NTM: variants seen among roughly 807,000 people sequenced by gnomAD.
The protein encoded by NTM is neurotrimin.
A neutral mutation model predicts 42.1 loss-of-function variants in NTM; 13 were observed. The observed-to-expected ratio is 0.31, with a 90% CI of 0.20 to 0.49. The LOEUF (loss-of-function observed/expected upper bound fraction) is 0.49, where lower values mean the gene tolerates loss of function less well. NTM is among the 20% of genes least tolerant of loss of function. NTM has a pLI of 0.99. For missense variants in NTM, 373 were observed against 452.8 expected (o/e 0.82, Z 1.60); for synonymous variants, 187 against 179.2 (o/e 1.04, Z -0.35).
At chr11:132,027,359 G>C (rs2075323724) in intron 2 of NTM, among the ~76,000 whole-genome samples, 1 of 152,210 alleles carries the variant, frequency 6.6e-6, no homozygotes, top group South Asian at 2.1e-4. Flanking sequence ...ATGTAGATCA[G>C]AATTTCTTAA....
intron 1 of NTM, among the ~76,000 whole-genome samples, chr11:131,851,795 G>A (rs988380560): frequency 6.6e-6 from 1 of 152,066 alleles, no homozygotes; most frequent in East Asian, 1.9e-4. Flanking sequence ...ATGGACCAAA[G>A]CATGGCCCAT....
intron 1 of NTM, among the ~76,000 whole-genome samples, chr11:131,590,568 G>T (rs2059274663): frequency 6.6e-6 from 1 of 152,204 alleles, no homozygotes; most frequent in Non-Finnish European, 1.5e-5. Flanking sequence ...AGGACAATTG[G>T]ATGGCTTCTT....
At chr11:131,464,781 C>G (rs1951735085) in intron 1 of NTM, among the ~76,000 whole-genome samples, 1 of 152,212 alleles carries the variant, frequency 6.6e-6, no homozygotes, top group South Asian at 2.1e-4. Context: ...CCAAGCGGGT[C>G]TGCGAGGGAT....
At chr11:132,269,837 T>G (rs1019012455) in intron 4 of NTM, among the ~76,000 whole-genome samples, 2 of 152,238 alleles carry the variant, frequency 1.3e-5, no homozygotes, top group Admixed American at 6.5e-5. Context: ...ATGTGTCATT[T>G]ACTTCATCAA....
intron 7 of NTM, among the ~76,000 whole-genome samples, chr11:132,319,752 A>G (rs2136245453): frequency 6.6e-6 from 1 of 152,366 alleles, no homozygotes; most frequent in African/African-American, 2.4e-5. Flanking sequence ...TCCCTCTCAG[A>G]CAGCTTTGAA....
At chr11:131,528,002 A>C (rs549324191) in intron 1 of NTM, among the ~76,000 whole-genome samples, 3 of 152,232 alleles carry the variant, frequency 2.0e-5, no homozygotes, top group African/African-American at 7.2e-5. Flanking sequence ...GGAAATGCTC[A>C]TTGTGACCCT....
At chr11:131,750,330 A>G (rs2082328995) in intron 1 of NTM, among the ~76,000 whole-genome samples, 1 of 152,146 alleles carries the variant, frequency 6.6e-6, no homozygotes, top group Admixed American at 6.5e-5. Flanking sequence ...AGTCACATGT[A>G]CATTGCCACA....
At chr11:131,427,262 A>T (rs557685079) in intron 1 of NTM, among the ~76,000 whole-genome samples, 1 of 152,118 alleles carries the variant, frequency 6.6e-6, no homozygotes, top group African/African-American at 2.4e-5. Flanking sequence ...GAACCCAAAT[A>T]AGGTCTGGGA....
At chr11:132,273,356 T>C (rs1203819647) in intron 4 of NTM, among the ~76,000 whole-genome samples, 1 of 143,188 alleles carries the variant, frequency 7.0e-6, no homozygotes, top group African/African-American at 2.6e-5. Flanking sequence ...TCCACATATG[T>C]ATTCATAAAA....
chr11:131,594,170 C>A (rs2059620407), intron 1 of NTM, among the ~76,000 whole-genome samples: 1 of 152,176 alleles, frequency 6.6e-6, no homozygotes, highest in African/African-American at 2.4e-5. Flanking sequence ...AAGTAATACA[C>A]ACTAATAGGT....
At chr11:131,483,057 G>T (rs61484268) in intron 1 of NTM, among the ~76,000 whole-genome samples, 1,821 of 152,272 alleles carry the variant, frequency 0.012, 38 homozygotes, top group African/African-American at 0.041. Flanking sequence ...AGTTTTAATT[G>T]CATCAGGTTG....
intron 1 of NTM, among the ~76,000 whole-genome samples, chr11:131,606,363 G>A (rs2060961372): frequency 6.6e-6 from 1 of 152,148 alleles, no homozygotes; most frequent in Non-Finnish European, 1.5e-5. Context: ...GCTGACGGCT[G>A]TATTTTCTGC....
chr11:131,514,507 G>C (rs528116760), intron 1 of NTM, among the ~76,000 whole-genome samples: 1 of 152,164 alleles, frequency 6.6e-6, no homozygotes, highest in East Asian at 1.9e-4. Flanking sequence ...TGGAATTCAG[G>C]TATCTGTATT....
At chr11:131,390,698 TG>T (rs2135585584) in intron 1 of NTM, among the ~76,000 whole-genome samples, 1 of 152,238 alleles carries the variant, frequency 6.6e-6, no homozygotes, top group African/African-American at 2.4e-5. Flanking sequence ...AGTTTGCATG[TG>T]TATCTCCATG....
intron 1 of NTM, among the ~76,000 whole-genome samples, chr11:131,416,285 A>G (rs1288616811): frequency 2.6e-5 from 4 of 152,170 alleles, no homozygotes; most frequent in Admixed American, 6.5e-5. Flanking sequence ...TGTTGGTAAG[A>G]AAACCAGGGG....
At chr11:132,125,055 A>G (rs2065448377) in intron 2 of NTM, among the ~76,000 whole-genome samples, 2 of 152,170 alleles carry the variant, frequency 1.3e-5, no homozygotes, top group African/African-American at 4.8e-5. Flanking sequence ...TGAGTTCTAG[A>G]GCACAACCTT....
At chr11:132,233,876 C>G (rs2088178916) in intron 4 of NTM, among the ~76,000 whole-genome samples, 1 of 152,222 alleles carries the variant, frequency 6.6e-6, no homozygotes, top group Admixed American at 6.5e-5. Flanking sequence ...GAGGATAGTT[C>G]TCACATCCAT....
intron 1 of NTM, among the ~76,000 whole-genome samples, chr11:131,574,643 G>A (rs318959): frequency 0.54 from 81,955 of 151,674 alleles, 22,382 homozygotes; most frequent in South Asian, 0.68. Flanking sequence ...CCTGTCCAGT[G>A]ATCTACAGTC....
At chr11:131,541,104 C>T (rs374489005) in intron 1 of NTM, among the ~76,000 whole-genome samples, 116 of 152,312 alleles carry the variant, frequency 7.6e-4, no homozygotes, top group African/African-American at 2.5e-3. Flanking sequence ...CTTCATTACT[C>T]GAAACAGTAA....
Sources: gnomAD v4.1 joint callset for allele counts (sites outside exome capture counted in the v4.1 genomes callset) on GRCh38, gnomAD v4.1.1 for gene constraint, MANE v1.5 for transcripts, NCBI Gene and HGNC (gene_info 2026-07-23, HGNC 2026-07-21) for gene names.